CNTNAP2: variants seen among roughly 807,000 people sequenced by gnomAD.
The protein encoded by CNTNAP2 is contactin associated protein 2, also known as contactin-associated protein-like 2.
Under a neutral mutation model 155.2 loss-of-function variants are expected in CNTNAP2, and 98 were observed. The observed-to-expected ratio is 0.63, with a 90% CI of 0.54 to 0.75. The LOEUF (loss-of-function observed/expected upper bound fraction) is 0.75, where lower values mean the gene tolerates loss of function less well. Among genes scored for constraint, CNTNAP2 ranks in the 30% least tolerant of loss-of-function variants. The pLI, the probability that CNTNAP2 is intolerant of heterozygous loss-of-function variation, is 0.00. For missense variants in CNTNAP2, 1,727 were observed against 1,688.1 expected, an observed-to-expected ratio of 1.02 and a Z score of -0.40; for synonymous variants, 651 against 631.2, an observed-to-expected ratio of 1.03 and a Z score of -0.47.
chr7:146,661,744 T>TTA (rs1183318842), intron 1 of CNTNAP2, among the ~76,000 whole-genome samples: 4 of 151,436 alleles, frequency 2.6e-5, no homozygotes, highest in South Asian at 2.1e-4. Flanking sequence ...TTTTTTTTTT[T>TTA]AAATAAAGCT....
At chr7:147,407,930 C>A (rs1288685636) in intron 10 of CNTNAP2, among the ~76,000 whole-genome samples, 1 of 152,182 alleles carries the variant, frequency 6.6e-6, no homozygotes, top group Non-Finnish European at 1.5e-5. Context: ...CACAGATAAC[C>A]ATGTCCCATT....
chr7:147,228,113 G>T (rs1803589981), intron 8 of CNTNAP2, among the ~76,000 whole-genome samples: 1 of 152,286 alleles, frequency 6.6e-6, no homozygotes, highest in East Asian at 1.9e-4. Flanking sequence ...TTAAGATGAG[G>T]ACTGAAAATA....
rs10673467 is a variant in CNTNAP2 at position 146,550,401 on chromosome 7, G to GTTTTTTTTTTTTTTTT, written c.98-223857_98-223842dup. ...TTATAGCAGTGAGGTCCATTAATCT[G>GTTTTTTTTTTTTTTTT]TTTTTTTTTTTTTTTTTTTTTTTTT... On this transcript the variant is annotated intron_variant, in intron 1 of 23. Coordinates refer to ENST00000361727, the MANE Select transcript of CNTNAP2 (RefSeq NM_014141.6). 2.9e-4 allele frequency among the ~76,000 whole-genome samples: 16 copies of GTTTTTTTTTTTTTTTT among 54,384 alleles called. 4 individuals carry two copies. The highest frequency in any genetic ancestry group is 9.2e-4 in the African/African-American group (13 of 14,082). 35.7% of individuals were successfully genotyped at this position (54,384 alleles called of 152,430 possible).
At chr7:147,699,018 T>C (rs535542961) in intron 13 of CNTNAP2, among the ~76,000 whole-genome samples, 3 of 152,130 alleles carry the variant, frequency 2.0e-5, no homozygotes, top group East Asian at 1.9e-4. Flanking sequence ...GATTGACCAA[T>C]AGAACTAAAG....
At chr7:146,671,978 A>G (rs1727779474) in intron 1 of CNTNAP2, among the ~76,000 whole-genome samples, 1 of 151,642 alleles carries the variant, frequency 6.6e-6, no homozygotes, top group Non-Finnish European at 1.5e-5. Context: ...ACTGCACCCA[A>G]ATAATTTTTG....
intron 1 of CNTNAP2, among the ~76,000 whole-genome samples, chr7:146,407,176 G>T (rs1045676909): frequency 5.9e-5 from 9 of 152,132 alleles, no homozygotes; most frequent in African/African-American, 2.2e-4. Flanking sequence ...GTTACAAAGA[G>T]TCAGGACAAC....
intron 8 of CNTNAP2, among the ~76,000 whole-genome samples, chr7:147,198,469 C>T (rs775866874): frequency 2.6e-5 from 4 of 152,114 alleles, no homozygotes; most frequent in East Asian, 1.9e-4. Context: ...TGACCTCAGG[C>T]GATCCACCCA....
At chr7:146,262,568 C>A (rs1799936386) in intron 1 of CNTNAP2, among the ~76,000 whole-genome samples, 1 of 152,138 alleles carries the variant, frequency 6.6e-6, no homozygotes, top group Non-Finnish European at 1.5e-5. Context: ...AAACAAGCAA[C>A]CAACTACCAA....
chr7:146,133,816 G>A lies in CNTNAP2; in HGVS notation c.97+16843G>A, dbSNP rs1051583011. On this transcript the variant is annotated intron_variant, in intron 1 of 23. Coordinates refer to ENST00000361727, the MANE Select transcript of CNTNAP2 (RefSeq NM_014141.6). ...GTACCATGCTGTTTTGGTTACTGTA[G>A]CCTTGTAGTATAGCTTGAAGTCAGG... Among the ~76,000 whole-genome samples the A allele has an allele frequency of 1.1e-4, 17 of 152,136 alleles. 1 individual carries two copies. The highest frequency in any genetic ancestry group is 4.1e-4 in the African/African-American group (17 of 41,432).
chr7:147,852,822 C>G (rs986100238), intron 13 of CNTNAP2, among the ~76,000 whole-genome samples: 1 of 152,124 alleles, frequency 6.6e-6, no homozygotes, highest in Non-Finnish European at 1.5e-5. Flanking sequence ...GACTACGGAT[C>G]CTCTGCTGGT....
chr7:148,018,885 G>A (rs1315068813), intron 15 of CNTNAP2, among the ~76,000 whole-genome samples: 1 of 152,208 alleles, frequency 6.6e-6, no homozygotes, highest in Non-Finnish European at 1.5e-5. Context: ...GAAGAAGTAG[G>A]TCATAATATC....
At chr7:147,150,481 A>G (rs911272261) in intron 8 of CNTNAP2, among the ~76,000 whole-genome samples, 2 of 152,194 alleles carry the variant, frequency 1.3e-5, no homozygotes, top group African/African-American at 4.8e-5. Flanking sequence ...CTAAGCAGGC[A>G]ACTACATAAT....
intron 1 of CNTNAP2, among the ~76,000 whole-genome samples, chr7:146,132,545 C>T (rs1797731437): frequency 6.8e-6 from 1 of 146,370 alleles, no homozygotes; most frequent in Non-Finnish European, 1.5e-5. Flanking sequence ...AGGTATATCT[C>T]CCAATGCTAT....
intron 1 of CNTNAP2, among the ~76,000 whole-genome samples, chr7:146,628,872 G>A (rs990411976): frequency 3.3e-5 from 5 of 151,888 alleles, no homozygotes; most frequent in African/African-American, 9.7e-5. Context: ...ATTACTTGAC[G>A]GTTATTCTTT....
intron 8 of CNTNAP2, among the ~76,000 whole-genome samples, chr7:147,205,001 G>C (rs1584791759): frequency 6.6e-6 from 1 of 152,104 alleles, no homozygotes; most frequent in Admixed American, 6.5e-5. Context: ...CTGTTTTTGT[G>C]CCAGTACCAT....
chr7:147,663,941 T>C (rs1007432781), intron 13 of CNTNAP2, among the ~76,000 whole-genome samples: 21 of 152,358 alleles, frequency 1.4e-4, no homozygotes, highest in African/African-American at 4.8e-4. Flanking sequence ...TTGCTGAATA[T>C]GTACTTTGTG....
intron 1 of CNTNAP2, among the ~76,000 whole-genome samples, chr7:146,566,836 T>C (rs1798365116): frequency 6.6e-6 from 1 of 152,240 alleles, no homozygotes; most frequent in African/African-American, 2.4e-5. Flanking sequence ...TAGAAAGGTC[T>C]TCATAGTATA....
At chr7:146,997,634 G>T (rs1304033475) in intron 3 of CNTNAP2, among the ~76,000 whole-genome samples, 6 of 152,128 alleles carry the variant, frequency 3.9e-5, no homozygotes, top group Admixed American at 2.6e-4. Flanking sequence ...ATTGATATTA[G>T]TTCTTTAAAT....
chr7:146,475,445 T>C (rs763102749), intron 1 of CNTNAP2, among the ~76,000 whole-genome samples: 2 of 152,166 alleles, frequency 1.3e-5, no homozygotes, highest in African/African-American at 2.4e-5. Flanking sequence ...TGGTTTTCAT[T>C]TGGAAATAGG....
Sources: gnomAD v4.1 joint callset for allele counts (sites outside exome capture counted in the v4.1 genomes callset) on GRCh38, gnomAD v4.1.1 for gene constraint, MANE v1.5 for transcripts, NCBI Gene and HGNC (gene_info 2026-07-23, HGNC 2026-07-21) for gene names.